DENND5B: variants seen among roughly 807,000 people sequenced by gnomAD.
DENND5B encodes DENN domain-containing protein 5B.
A neutral mutation model predicts 140.6 loss-of-function variants in DENND5B; 34 were observed. The ratio of observed to expected loss-of-function variants is 0.24; its 90% CI spans 0.18 to 0.32. DENND5B has a LOEUF of 0.32. Among genes scored for constraint, DENND5B ranks in the 10% least tolerant of loss-of-function variants. DENND5B has a pLI of 1.00. For missense variants in DENND5B, 1,142 were observed against 1,560.2 expected (o/e 0.73, Z 4.52); for synonymous variants, 551 against 562.1 (o/e 0.98, Z 0.28).
rs66523908 is a variant in DENND5B at position 31,403,594 on chromosome 12, G to GAA, written c.2804-953_2804-952dup. ...GGCAACAGAGTGAGACTCTGCCTCA[G>GAA]AAAAAAAAAAGAAAGAAAAAAGAAA... On this transcript the variant is annotated intron_variant, in intron 14 of 20. Coordinates refer to ENST00000389082, the MANE Select transcript of DENND5B (RefSeq NM_144973.4). Among the ~76,000 whole-genome samples, 35 of 115,004 alleles carry GAA rather than the reference G, an allele frequency of 3.0e-4. 1 individual carries two copies. The highest frequency in any genetic ancestry group is 5.1e-3 in the Middle Eastern group (1 of 196). 75.4% of individuals were successfully genotyped at this position (115,004 alleles called of 152,430 possible).
At chr12:31,475,258 A>AT (rs1222210230) in intron 3 of DENND5B, among the ~76,000 whole-genome samples, 3 of 152,140 alleles carry the variant, frequency 2.0e-5, no homozygotes, top group Non-Finnish European at 2.9e-5. Flanking sequence ...CTGTATGGCA[A>AT]TTTTTTGGGG....
chr12:31,537,484 A>T (rs1245857509), intron 1 of DENND5B, among the ~76,000 whole-genome samples: 1 of 152,324 alleles, frequency 6.6e-6, no homozygotes, highest in East Asian at 1.9e-4. Flanking sequence ...CTGAAAATAA[A>T]AAATAAGAAA....
At chr12:31,470,148 C>T (rs575041827) in intron 3 of DENND5B, among the ~76,000 whole-genome samples, 15 of 145,176 alleles carry the variant, frequency 1.0e-4, no homozygotes, top group African/African-American at 3.8e-4. Context: ...TGGAGTTTCC[C>T]TTGTTACCCA....
chr12:31,494,939 T>C (rs1946699934), intron 2 of DENND5B, among the ~76,000 whole-genome samples: 1 of 152,232 alleles, frequency 6.6e-6, no homozygotes, highest in African/African-American at 2.4e-5. Flanking sequence ...CTTTTGTCGC[T>C]TCATTCTTTC....
chr12:31,447,459 G>C (rs1451485715), intron 6 of DENND5B, 79 bp downstream of exon 6: 33 of 1,246,578 alleles, frequency 2.6e-5, no homozygotes, highest in Non-Finnish European at 3.6e-5. Flanking sequence ...AATTAATTTT[G>C]TTGTACGTAA....
At chr12:31,481,569 TAGGTCTTAGTGGATAA>T (rs1946072922) in intron 2 of DENND5B, among the ~76,000 whole-genome samples, 1 of 152,116 alleles carries the variant, frequency 6.6e-6, no homozygotes, top group Non-Finnish European at 1.5e-5. Flanking sequence ...AGGACGAGTA[TAGGTCTTAGTGGATAA>T]AGAAGATTCC....
rs1565524468 is a variant in DENND5B, at chr12:31,382,736, C to G, written c.*4867G>C. On this transcript the variant is annotated 3_prime_UTR_variant, in exon 21 of 21. Transcript: ENST00000389082. ...TTGAGGTTTTTTTTTTTTCCTCTAGCTTGATGTGATATATCTCTGAAGTCA... is the reference window on the plus strand; with the variant it reads ...TTGAGGTTTTTTTTTTTTCCTCTAGGTTGATGTGATATATCTCTGAAGTCA... 1 of 151,200 alleles carries G rather than the reference C, an allele frequency of 6.6e-6. No individual in the cohort carries two copies. The highest frequency in any genetic ancestry group is 1.5e-5 in the Non-Finnish European group (1 of 67,826). 9.4% of individuals were successfully genotyped at this position (151,200 alleles called of 1,614,324 possible). A position where few individuals can be genotyped will look rare whatever the true frequency, so the allele number is the denominator to read the frequency against.
At chr12:31,519,351 A>C (rs1201860832) in intron 1 of DENND5B, among the ~76,000 whole-genome samples, 1 of 152,230 alleles carries the variant, frequency 6.6e-6, no homozygotes, top group East Asian at 1.9e-4. Flanking sequence ...CCTGAGGTAC[A>C]AGAAACAGAT....
chr12:31,488,734 T>C (rs1946405611), intron 2 of DENND5B, among the ~76,000 whole-genome samples: 1 of 152,236 alleles, frequency 6.6e-6, no homozygotes, highest in South Asian at 2.1e-4. Flanking sequence ...TGTCAGGAAC[T>C]ACAAGAAATC....
intron 4 of DENND5B, among the ~76,000 whole-genome samples, chr12:31,455,970 G>C (rs2138184281): frequency 6.6e-6 from 1 of 152,114 alleles, no homozygotes; most frequent in South Asian, 2.1e-4. Flanking sequence ...AGTGTGCCAA[G>C]ATCATGCCAC....
intron 1 of DENND5B, among the ~76,000 whole-genome samples, chr12:31,558,062 T>C (rs185613628): frequency 8.6e-5 from 13 of 152,030 alleles, no homozygotes; most frequent in African/African-American, 2.4e-4. Context: ...GAAAAAAAAG[T>C]CTAAAAACCC....
intron 5 of DENND5B, among the ~76,000 whole-genome samples, chr12:31,449,582 A>C (rs78843528): frequency 0.011 from 1,721 of 152,230 alleles, 19 homozygotes; most frequent in East Asian, 0.031. Flanking sequence ...TCCAACAGAA[A>C]ATTTTCATTT....
At position 31,385,073 on chromosome 12, in the gene DENND5B, C is replaced by T. The variant is rs1412919127; in HGVS notation, c.*2530G>A. On this transcript the variant is annotated 3_prime_UTR_variant, in exon 21 of 21. Transcript: ENST00000389082. ...AGGATTACAGGCGTTAGCCACCGTA[C>T]CTGGCCTGCTCCCAGTTTTTACAAG... The T allele has an allele frequency of 6.6e-6, 1 of 152,156 alleles. No homozygotes were observed. Among genetic ancestry groups the T allele is most frequent in the Non-Finnish European group, 1.5e-5 (1 of 68,048 alleles). The allele number at this position is 152,156 out of a possible 1,614,324, so 9.4% of individuals were successfully genotyped here.
chr12:31,409,308 T>C lies in DENND5B; in HGVS notation c.2758A>G (p.Asn920Asp). 1 of 1,570,518 alleles carries C rather than the reference T, an allele frequency of 6.4e-7. No individual in the cohort carries two copies. ...EQFLYHLLSLNAVDYFCFTSV... is the reference protein window; with the variant it reads ...EQFLYHLLSLDAVDYFCFTSV... ...GTGAAGCAGAAATAGTCCACAGCATTGAGAGAAAGAAGGTGGTAAAGAAAC... is the reference window on the plus strand; with the variant it reads ...GTGAAGCAGAAATAGTCCACAGCATCGAGAGAAAGAAGGTGGTAAAGAAAC... Residue 920 changes from asparagine to aspartate, a missense_variant, in exon 14 of 21, where the codon AAT (asparagine) becomes GAT (aspartate). Coordinates refer to ENST00000389082, the MANE Select transcript of DENND5B (RefSeq NM_144973.4).
At chr12:31,476,944 T>C (rs911371690) in intron 3 of DENND5B, among the ~76,000 whole-genome samples, 2 of 152,174 alleles carry the variant, frequency 1.3e-5, no homozygotes, top group Non-Finnish European at 2.9e-5. Context: ...AGTTCTTTTT[T>C]TCGGCCAGGC....
intron 5 of DENND5B, among the ~76,000 whole-genome samples, chr12:31,448,764 C>T (rs10771834): frequency 0.42 from 63,977 of 151,914 alleles, 13,866 homozygotes; most frequent in Admixed American, 0.57. Context: ...CAGTCCCAGC[C>T]ACTAGGGAGG....
Position 31,538,200 on chromosome 12 carries a change from T to C in DENND5B, c.128-42281A>G, listed in dbSNP as rs142756820. Among the ~76,000 whole-genome samples the C allele has an allele frequency of 1.0e-3, 153 of 152,302 alleles. 5 individuals are homozygous for C. The East Asian group carries it at 0.02, about 19-fold the overall frequency. ...CATACATAACATTTCATCCCAAAGC[T>C]GCAGAGTACACATTCTTTTTCCTCA... On this transcript the variant is annotated intron_variant, in intron 1 of 20. Transcript: ENST00000389082.
At chr12:31,488,126 C>T (rs377283253) in intron 2 of DENND5B, among the ~76,000 whole-genome samples, 7 of 117,180 alleles carry the variant, frequency 6.0e-5, no homozygotes, top group South Asian at 3.2e-4. Context: ...CGTGCATACC[C>T]GGCTATTTTT....
rs1429979985 is a variant in DENND5B, at chr12:31,479,269, G to C, written c.904+320C>G. ...AACAGAGTTCTCTCACTCTCATTAT[G>C]ATGAAGAAAAAATGTTTTCTTAATG... On this transcript the variant is annotated intron_variant, in intron 3 of 20. Coordinates refer to ENST00000389082, the MANE Select transcript of DENND5B (RefSeq NM_144973.4). 3.9e-5 allele frequency among the ~76,000 whole-genome samples: 6 copies of C among 152,250 alleles called. No homozygotes were observed. The South Asian group carries it at 1.2e-3, about 32-fold the overall frequency.
Sources: gnomAD v4.1 joint callset for allele counts (sites outside exome capture counted in the v4.1 genomes callset) on GRCh38, gnomAD v4.1.1 for gene constraint, MANE v1.5 for transcripts, NCBI Gene and HGNC (gene_info 2026-07-23, HGNC 2026-07-21) for gene names.